The following ABCA13 variants were observed in gnomAD, a reference collection of about 807,000 sequenced individuals.
ABCA13 encodes ATP-binding cassette sub-family A member 13.
In ABCA13, 476 loss-of-function variants were observed where a neutral mutation model predicts 478.7. The ratio of observed to expected loss-of-function variants is 0.99; its 90% CI spans 0.92 to 1.07. The LOEUF is 1.07. Ranked by LOEUF, ABCA13 falls within the 50% of genes least tolerant of loss-of-function variation. The pLI is 0.00. For synonymous variants in ABCA13, 2,252 were observed against 2,158.9 expected, an observed-to-expected ratio of 1.04 and a Z score of -1.20; for missense variants, 6,060 against 5,910.6, an observed-to-expected ratio of 1.03 and a Z score of -0.83.
intron 29 of ABCA13, among the ~76,000 whole-genome samples, chr7:48,340,363 C>T (rs542396987): frequency 1.3e-5 from 2 of 152,170 alleles, no homozygotes; most frequent in Non-Finnish European, 2.9e-5. Flanking sequence ...GCCTCGGCCT[C>T]CCAAAGTGCT....
intron 15 of ABCA13, among the ~76,000 whole-genome samples, chr7:48,258,034 C>T (rs554508258): frequency 4.1e-4 from 62 of 152,262 alleles, no homozygotes; most frequent in African/African-American, 1.4e-3. Flanking sequence ...AGCAACCCTC[C>T]TGCCTCAACC....
chr7:48,316,513 G>C (rs1284079563), intron 26 of ABCA13, among the ~76,000 whole-genome samples: 1 of 152,176 alleles, frequency 6.6e-6, no homozygotes, highest in Admixed American at 6.5e-5. Context: ...ATAGCATGAA[G>C]TTTCTTATGA....
Position 48,367,924 on chromosome 7 carries a change from C to G in ABCA13, c.10803+16C>G. ...GATAGAAGAGGTAAATATCCTTAAA[C>G]CTTGCCTGGGAGACAAAGATAGGGA... is the stretch of plus-strand genomic sequence containing the variant. On this transcript the variant is annotated intron_variant, in intron 32 of 61. Coordinates refer to ENST00000435803, the MANE Select transcript of ABCA13 (RefSeq NM_152701.5). 6.5e-7 allele frequency: 1 copy of G among 1,542,642 alleles called. No homozygotes were observed. Among genetic ancestry groups the G allele is most frequent in the Non-Finnish European group, 8.8e-7 (1 of 1,138,242 alleles).
intron 38 of ABCA13, among the ~76,000 whole-genome samples, chr7:48,402,578 A>C (rs1275833868): frequency 6.6e-6 from 1 of 152,252 alleles, no homozygotes; most frequent in African/African-American, 2.4e-5. Context: ...AAGTGCACAG[A>C]GTGAACACTA....
intron 50 of ABCA13, 72 bp from the exon 51 acceptor site, chr7:48,511,012 A>T (rs953764241): frequency 4.0e-6 from 5 of 1,234,964 alleles, no homozygotes; most frequent in Admixed American, 3.7e-5. Context: ...AGGAAACTTC[A>T]GGATAAGTAG....
At chr7:48,297,779 T>C (rs952947111) in intron 22 of ABCA13, among the ~76,000 whole-genome samples, 2 of 137,122 alleles carry the variant, frequency 1.5e-5, no homozygotes, top group African/African-American at 6.3e-5. Context: ...TCTTTCTTTC[T>C]TTCTTTCTTT....
Position 48,310,013 on chromosome 7 carries a change from C to T in ABCA13, c.9388C>T (p.Leu3130=). ...TGATCAGGAAATCCTTCATCTCCTG[C>T]TGACATTTCCCAAAGGGGAAAAATC... ...KCDQEILHLL[L]TFPKGEKSWI... is the part of the protein sequence containing the mutation. The change falls in exon 24 of 62, where the codon CTG becomes TTG. Residue 3130 remains leucine (L), a synonymous_variant. Coordinates refer to ENST00000435803, the MANE Select transcript of ABCA13 (RefSeq NM_152701.5). 6.2e-7 allele frequency: 1 copy of T among 1,613,986 alleles called. No individual in the cohort carries two copies. The highest frequency in any genetic ancestry group is 2.2e-5 in the East Asian group (1 of 44,886).
chr7:48,302,160 G>A (rs954500001), intron 23 of ABCA13, among the ~76,000 whole-genome samples: 2 of 152,126 alleles, frequency 1.3e-5, no homozygotes, highest in Non-Finnish European at 1.5e-5. Flanking sequence ...ATCACATGAT[G>A]TTATTGCTTC....
At chr7:48,425,877 G>A (rs947126276) in intron 41 of ABCA13, among the ~76,000 whole-genome samples, 5 of 152,026 alleles carry the variant, frequency 3.3e-5, no homozygotes, top group Non-Finnish European at 5.9e-5. Flanking sequence ...GAGTAGCTGG[G>A]ACTACAGGCG....
chr7:48,471,595 G>T lies in ABCA13; in HGVS notation c.12971G>T (p.Cys4324Phe). 1.3e-6 allele frequency: 2 copies of T among 1,561,532 alleles called. No homozygotes were observed. The highest frequency in any genetic ancestry group is 1.7e-6 in the Non-Finnish European group (2 of 1,151,020). Reference protein sequence around the residue: ...SHPEFQDSCGCLKCPNRSASA... With the variant: ...SHPEFQDSCGFLKCPNRSASA... ...CCAGAATTCCAGGATTCATGTGGCT[G>T]CCTGGTAGGTTTCTGCAGCATTTTT... Residue 4324 changes from cysteine to phenylalanine, a missense_variant, in exon 45 of 62, where the codon TGC (cysteine) becomes TTC (phenylalanine). By Grantham distance (205) the Cys-to-Phe change is radical. This residue lies in a region of ABCA13 where 1,627 missense variants were observed against 1,571.0 expected (regional missense o/e 1.04). Transcript: ENST00000435803.
chr7:48,385,534 C>G (rs1402738778), intron 35 of ABCA13, among the ~76,000 whole-genome samples: 2 of 152,110 alleles, frequency 1.3e-5, no homozygotes, highest in African/African-American at 4.8e-5. Flanking sequence ...TGTATATGTA[C>G]CACATTTTCT....
chr7:48,382,986 T>G (rs182352187), intron 35 of ABCA13, among the ~76,000 whole-genome samples: 5 of 152,164 alleles, frequency 3.3e-5, no homozygotes, highest in Non-Finnish European at 7.4e-5. Flanking sequence ...CCTTTGTCAC[T>G]GTGCTGAGGC....
At chr7:48,324,405 C>A (rs1307917024) in intron 27 of ABCA13, among the ~76,000 whole-genome samples, 1 of 152,068 alleles carries the variant, frequency 6.6e-6, no homozygotes, top group Admixed American at 6.5e-5. Flanking sequence ...GACCTATTTC[C>A]AAACAAGGCC....
At chr7:48,436,613 G>A (rs1822868502) in intron 42 of ABCA13, among the ~76,000 whole-genome samples, 1 of 151,666 alleles carries the variant, frequency 6.6e-6, no homozygotes, top group Admixed American at 6.6e-5. Flanking sequence ...ATGTTAGAAT[G>A]TTTACTTGAA....
At chr7:48,563,520 T>G (rs746595112) in intron 55 of ABCA13, among the ~76,000 whole-genome samples, 1 of 152,066 alleles carries the variant, frequency 6.6e-6, no homozygotes, top group Non-Finnish European at 1.5e-5. Context: ...GAAATGCCAA[T>G]ACATGTAAGA....
intron 27 of ABCA13, among the ~76,000 whole-genome samples, chr7:48,326,319 A>T (rs1804323827): frequency 6.6e-6 from 1 of 152,258 alleles, no homozygotes; most frequent in Non-Finnish European, 1.5e-5. Flanking sequence ...TTATTATTGC[A>T]GAACAGGCAA....
At chr7:48,308,098 C>T (rs1172987085) in intron 23 of ABCA13, among the ~76,000 whole-genome samples, 2 of 151,876 alleles carry the variant, frequency 1.3e-5, no homozygotes, top group Non-Finnish European at 2.9e-5. Context: ...ATTCTATAAG[C>T]TTTTTTCTAT....
At chr7:48,363,540 G>GT (rs1811211029) in intron 31 of ABCA13, among the ~76,000 whole-genome samples, 2 of 151,926 alleles carry the variant, frequency 1.3e-5, no homozygotes, top group Admixed American at 6.6e-5. Context: ...GAAATACTTA[G>GT]TTTTTCTTTT....
intron 23 of ABCA13, among the ~76,000 whole-genome samples, chr7:48,303,239 G>A (rs546300664): frequency 6.6e-6 from 1 of 151,962 alleles, no homozygotes; most frequent in East Asian, 1.9e-4. Context: ...CTGGATATTA[G>A]ACCTTTGTCA....
Sources: gnomAD v4.1 joint callset for allele counts (sites outside exome capture counted in the v4.1 genomes callset) on GRCh38, gnomAD v4.1.1 for gene constraint, gnomAD v4.1.1 regional missense constraint, MANE v1.5 for transcripts, NCBI Gene and HGNC (gene_info 2026-07-23, HGNC 2026-07-21) for gene names.